GOLGA1: variants seen among roughly 807,000 people sequenced by gnomAD.
The protein encoded by GOLGA1 is golgin A1.
GOLGA1 carries 63 observed loss-of-function variants against 119.7 expected under a neutral mutation model. That is an observed-to-expected ratio of 0.53 (90% CI 0.43 to 0.65). GOLGA1 has a LOEUF of 0.65. Among genes scored for constraint, GOLGA1 ranks in the 30% least tolerant of loss-of-function variants. GOLGA1 has a pLI of 0.00. For synonymous variants in GOLGA1, 318 were observed against 333.4 expected, an observed-to-expected ratio of 0.95 and a Z score of 0.50; for missense variants, 798 against 912.8, an observed-to-expected ratio of 0.87 and a Z score of 1.62.
intron 19 of GOLGA1, among the ~76,000 whole-genome samples, chr9:124,884,786 G>C (rs1173392012): frequency 6.6e-6 from 1 of 152,038 alleles, no homozygotes; most frequent in Non-Finnish European, 1.5e-5. Flanking sequence ...ACGTTATTTT[G>C]GTTTCCTGGA....
At chr9:124,939,109 T>G (rs1277281572) in intron 2 of GOLGA1, among the ~76,000 whole-genome samples, 1 of 152,088 alleles carries the variant, frequency 6.6e-6, no homozygotes, top group African/African-American at 2.4e-5. Flanking sequence ...GGGCTGGTAT[T>G]TGAACAGAGG....
chr9:124,889,616 T>C, intron 16 of GOLGA1, 80 bp from the exon 17 acceptor site: 1 of 932,974 alleles, frequency 1.1e-6, no homozygotes, highest in Non-Finnish European at 1.8e-6. Context: ...TTCCCCGCTC[T>C]CCAGGGTACA....
chr9:124,908,351 G>C (rs1319908176), intron 12 of GOLGA1, 26 bp downstream of exon 12: 1 of 1,277,350 alleles, frequency 7.8e-7, no homozygotes, highest in Non-Finnish European at 1.1e-6. Context: ...CCCAAACTTA[G>C]GAAACACCAG....
At chr9:124,941,296 G>A (rs1374797604), upstream of GOLGA1, among the ~76,000 whole-genome samples, 1 of 152,272 alleles carries the variant, frequency 6.6e-6, no homozygotes, top group African/African-American at 2.4e-5. Context: ...GATGATGACT[G>A]AGTCTCCGAG....
In GOLGA1 at chr9:124,881,688, C is replaced by T. The variant is rs908657344; in HGVS notation, c.2136+96G>A. Reference sequence around the variant, plus strand: ...CACAAGGGCGTCAAACCAGGATGTACGAGGAAAAGAGAGAAAGGGGCTGGG... The same window carrying T: ...CACAAGGGCGTCAAACCAGGATGTATGAGGAAAAGAGAGAAAGGGGCTGGG... On this transcript the variant is annotated intron_variant, in intron 21 of 22. Transcript: ENST00000373555. This position sits in a 1 kb window ranked among gnomAD's most constrained non-coding sequence, Gnocchi z 4.9. 13 of 839,750 alleles carry T rather than the reference C, an allele frequency of 1.5e-5. No homozygotes were observed. Among genetic ancestry groups the T allele is most frequent in the African/African-American group, 8.5e-5 (5 of 58,486 alleles). 52.0% of individuals were successfully genotyped at this position (839,750 alleles called of 1,614,324 possible).
intron 3 of GOLGA1, among the ~76,000 whole-genome samples, chr9:124,937,321 G>A (rs1223047239): frequency 4.6e-5 from 7 of 152,156 alleles, no homozygotes; most frequent in East Asian, 1.9e-4. Context: ...ACGTGGTGGC[G>A]GGTGCCTGTA....
In GOLGA1 at chr9:124,940,974, C is replaced by T. The variant is rs1256033850; in HGVS notation, c.-209G>A. ...CCCGGAGTCCTGGCCCGCGCACCTG[C>T]CTCTCTCTGGGAAGCCAGCAAAGCC... On this transcript the variant is annotated 5_prime_UTR_variant, in exon 1 of 23. Transcript: ENST00000373555. 1 of 152,360 alleles carries T rather than the reference C, an allele frequency of 6.6e-6. No homozygotes were observed. The highest frequency in any genetic ancestry group is 1.5e-5 in the Non-Finnish European group (1 of 68,200). 9.4% of individuals were successfully genotyped at this position (152,360 alleles called of 1,614,324 possible).
chr9:124,889,930 C>G (rs1829817619), intron 16 of GOLGA1, among the ~76,000 whole-genome samples: 1 of 152,188 alleles, frequency 6.6e-6, no homozygotes, highest in African/African-American at 2.4e-5. Context: ...GAGTCCTCAT[C>G]AGAGGAGACT....
At position 124,923,194 on chromosome 9, in the gene GOLGA1, C is replaced by G; in HGVS notation, c.462G>C (p.Gln154His). 1 of 1,599,314 alleles carries G rather than the reference C, an allele frequency of 6.3e-7. No individual in the cohort carries two copies. Among genetic ancestry groups the G allele is most frequent in the African/African-American group, 1.3e-5 (1 of 74,758 alleles). The stretch of plus-strand genomic sequence containing the variant: ...GATTCATACTCTGGTTCTTCATTTC[C>G]TGTAACTGGGCTGTCAGAATATTTT... ...KEKNILTAQL[Q>H]EMKNQSMNLF... The change falls in exon 8 of 23, where the codon CAG (glutamine) becomes CAC (histidine). Residue 154 changes from glutamine to histidine, a missense_variant. Physicochemically the swap from Gln to His is conservative, Grantham distance 24. Coordinates refer to ENST00000373555, the MANE Select transcript of GOLGA1 (RefSeq NM_002077.4).
chr9:124,920,007 T>A lies in GOLGA1; in HGVS notation c.843+1122A>T, dbSNP rs571593770. Among the ~76,000 whole-genome samples the A allele has an allele frequency of 2.0e-5, 3 of 152,244 alleles. No individual in the cohort carries two copies. The East Asian group carries it at 5.8e-4, about 29-fold the overall frequency. On this transcript the variant is annotated intron_variant, in intron 10 of 22. Transcript: ENST00000373555. Reference sequence around the variant, plus strand: ...GTCTCTCTCTGTCACCCAGGCAGGCTGCAGCGCAGTGGCACAATCTCAGCT... The same window carrying A: ...GTCTCTCTCTGTCACCCAGGCAGGCAGCAGCGCAGTGGCACAATCTCAGCT...
At position 124,921,857 on chromosome 9, in the gene GOLGA1, T is replaced by A. The variant is rs1341132654; in HGVS notation, c.597A>T (p.Glu199Asp). The change falls in exon 9 of 23, where the codon GAA becomes GAT. Residue 199 changes from glutamate to aspartate, a missense_variant. Coordinates refer to ENST00000373555, the MANE Select transcript of GOLGA1 (RefSeq NM_002077.4). ...CTCTGGTTCGTGCCTCCAATTCTTG[T>A]TCCATTTTCCCTAGACTTTCTTCTT... ...LKKEESLGKM[E>D]QELEARTREL... 1 of 1,613,832 alleles carries A rather than the reference T, an allele frequency of 6.2e-7. No homozygotes were observed. Among genetic ancestry groups the A allele is most frequent in the Admixed American group, 1.7e-5 (1 of 59,956 alleles).
Position 124,921,314 on chromosome 9 carries a change from A to G in GOLGA1, c.732-74T>C, listed in dbSNP as rs1025553647. On this transcript the variant is annotated intron_variant, in intron 9 of 22. Coordinates refer to ENST00000373555, the MANE Select transcript of GOLGA1 (RefSeq NM_002077.4). ...ATATACAGTCTTCTGCAGGAAAAAT[A>G]CAAATGGTTTCTTCTGTGTCAGGGC... 6.8e-6 allele frequency: 6 copies of G among 880,100 alleles called. No homozygotes were observed. The East Asian group carries it at 9.6e-5, about 14-fold the overall frequency. The allele number at this position is 880,100 out of a possible 1,614,324, so 54.5% of individuals were successfully genotyped here.
At chr9:124,926,659 C>G (rs771194863) in intron 7 of GOLGA1, 50 bp downstream of exon 7, 8 of 1,218,134 alleles carry the variant, frequency 6.6e-6, no homozygotes, top group African/African-American at 1.5e-5. Flanking sequence ...GTTTTCCATA[C>G]CCCAGAGACG....
At chr9:124,916,689 C>T (rs543191261) in intron 10 of GOLGA1, among the ~76,000 whole-genome samples, 1 of 151,852 alleles carries the variant, frequency 6.6e-6, no homozygotes, top group Non-Finnish European at 1.5e-5. Flanking sequence ...GCCTGGGCAA[C>T]ATAGTGAGAC....
At chr9:124,921,661 C>A in intron 9 of GOLGA1, 62 bp downstream of exon 9, 1 of 1,270,528 alleles carries the variant, frequency 7.9e-7, no homozygotes, top group African/African-American at 1.5e-5. Context: ...GAAAGGTGGG[C>A]AGGCTATAGC....
At chr9:124,929,685 G>A (rs769169235) in intron 4 of GOLGA1, among the ~76,000 whole-genome samples, 3 of 152,106 alleles carry the variant, frequency 2.0e-5, no homozygotes, top group Admixed American at 1.3e-4. Context: ...TAAACAGCTC[G>A]CTTATAGTCC....
intron 22 of GOLGA1, 66 bp from the exon 23 acceptor site, chr9:124,880,676 GCCCCT>G: frequency 1.0e-6 from 1 of 959,136 alleles, no homozygotes; most frequent in Non-Finnish European, 1.7e-6. Flanking sequence ...AAACTGAACC[GCCCCT>G]CCCCTCCCGT....
chr9:124,904,852 T>C (rs1830188576), intron 12 of GOLGA1, among the ~76,000 whole-genome samples: 1 of 150,862 alleles, frequency 6.6e-6, no homozygotes, highest in Non-Finnish European at 1.5e-5. Flanking sequence ...GCAGGAGAAC[T>C]GCTTGAACCA....
At chr9:124,921,653 A>C in intron 9 of GOLGA1, 70 bp downstream of exon 9, 1 of 1,187,304 alleles carries the variant, frequency 8.4e-7, no homozygotes, top group Non-Finnish European at 1.2e-6. Context: ...ACAATGGGGA[A>C]AGGTGGGCAG....
Sources: allele counts gnomAD v4.1 joint callset (sites outside exome capture counted in the v4.1 genomes callset), GRCh38; gene constraint gnomAD v4.1.1; non-coding constraint Gnocchi (gnomAD v3.1); transcripts MANE v1.5; gene names NCBI Gene and HGNC (gene_info 2026-07-23, HGNC 2026-07-21).